The following PLEKHM3 variants were observed in gnomAD, a reference collection of about 807,000 sequenced individuals.
PLEKHM3 encodes the protein pleckstrin homology domain containing M3.
Under a neutral mutation model 81.8 loss-of-function variants are expected in PLEKHM3, and 45 were observed. That is an observed-to-expected ratio of 0.55 (90% CI 0.43 to 0.71). The LOEUF is 0.71. Ranked by LOEUF, PLEKHM3 falls within the 30% of genes least tolerant of loss-of-function variation. The pLI is 0.00. For synonymous variants in PLEKHM3, 352 were observed against 356.4 expected, an observed-to-expected ratio of 0.99 and a Z score of 0.14; for missense variants, 788 against 924.3, an observed-to-expected ratio of 0.85 and a Z score of 1.91.
intron 6 of PLEKHM3, among the ~76,000 whole-genome samples, chr2:207,882,726 A>G (rs1232449548): frequency 6.6e-6 from 1 of 152,208 alleles, no homozygotes; most frequent in African/African-American, 2.4e-5. Context: ...TTCAGACTAA[A>G]AGGCAGACTA....
intron 7 of PLEKHM3, among the ~76,000 whole-genome samples, chr2:207,860,203 G>GTGTGTGTGTA (rs2092460154): frequency 6.9e-6 from 1 of 144,196 alleles, no homozygotes; most frequent in Non-Finnish European, 1.5e-5. Flanking sequence ...GTGTGTGTGT[G>GTGTGTGTGTA]TGTATCTGCA....
rs149715413 is a variant in PLEKHM3 at position 207,830,695 on chromosome 2, TAAGTGTCCTTAGAAGTGTCCTTAG to T, written c.2109-2223_2109-2200del. On this transcript the variant is annotated intron_variant, in intron 7 of 7. Coordinates refer to ENST00000427836, the MANE Select transcript of PLEKHM3 (RefSeq NM_001080475.3). ...GTCCTTAGAAGAAGGACACTTCTTC[TAAGTGTCCTTAGAAGTGTCCTTAG>T]AAGTGTCCTAAGTTGGGGAGCTTGC... Among the ~76,000 whole-genome samples, 115 of 20,184 alleles carry T rather than the reference TAAGTGTCCTTAGAAGTGTCCTTAG, an allele frequency of 5.7e-3. 1 individual carries two copies. The highest frequency in any genetic ancestry group is 0.036 in the Middle Eastern group (1 of 28). The allele number at this position is 20,184 out of a possible 152,430, so 13.2% of individuals were successfully genotyped here.
At chr2:208,023,205 G>A (rs35735821) in intron 1 of PLEKHM3, among the ~76,000 whole-genome samples, 69,296 of 150,830 alleles carry the variant, frequency 0.46, 19,188 homozygotes, top group Non-Finnish European at 0.6. Context: ...TGTGCGTGGC[G>A]TAATCATACC....
chr2:207,836,733 T>A (rs2092321428), intron 7 of PLEKHM3, among the ~76,000 whole-genome samples: 1 of 152,226 alleles, frequency 6.6e-6, no homozygotes, highest in South Asian at 2.1e-4. Context: ...TGCCCCGAGT[T>A]GAGGTCACTG....
intron 1 of PLEKHM3, among the ~76,000 whole-genome samples, chr2:208,023,698 T>A (rs1416705319): frequency 2.0e-5 from 3 of 151,882 alleles, no homozygotes; most frequent in Non-Finnish European, 4.4e-5. Context: ...ATCACCCCCC[T>A]ACTCCCCGAC....
rs752016456 is a variant in PLEKHM3, at chr2:207,946,503, C to T, written c.1556G>A (p.Arg519Gln). The change falls in exon 4 of 8, where the codon CGA becomes CAA. Residue 519 changes from arginine to glutamine, a missense_variant. Coordinates refer to ENST00000427836, the MANE Select transcript of PLEKHM3 (RefSeq NM_001080475.3). ...AQSFKCAGCQ[R>Q]SIGLSNGKAK... is the part of the protein sequence containing the mutation. ...TTTCCCATTGGAAAGACCTATGGAT[C>T]GCTGGCAGCCTGTTCAAGGAAAAAG... 27 of 1,613,634 alleles carry T rather than the reference C, an allele frequency of 1.7e-5. No individual in the cohort carries two copies. The highest frequency in any genetic ancestry group is 2.2e-5 in the East Asian group (1 of 44,880).
chr2:207,977,913 C>A (rs920840289), intron 2 of PLEKHM3, among the ~76,000 whole-genome samples: 3 of 152,008 alleles, frequency 2.0e-5, no homozygotes, highest in Admixed American at 2.0e-4. Context: ...ATAGTGAGAG[C>A]CCGTCTCTAT....
intron 3 of PLEKHM3, among the ~76,000 whole-genome samples, chr2:207,967,368 G>A (rs1372207891): frequency 6.6e-6 from 1 of 152,090 alleles, no homozygotes; most frequent in Non-Finnish European, 1.5e-5. Context: ...TGCCCACATG[G>A]GCTGCTGTTA....
At chr2:207,861,067 C>A (rs368312352) in intron 7 of PLEKHM3, 38 bp downstream of exon 7, 1 of 1,604,324 alleles carries the variant, frequency 6.2e-7, no homozygotes, top group Non-Finnish European at 8.5e-7. Context: ...GCATATTACA[C>A]ATTTGGGTGT....
chr2:207,937,444 C>T (rs112863601), intron 4 of PLEKHM3, among the ~76,000 whole-genome samples: 36,859 of 151,798 alleles, frequency 0.24, 5,250 homozygotes, highest in Middle Eastern at 0.34. Flanking sequence ...GTGGCGTGCG[C>T]CTGTAGTCCC....
chr2:207,956,096 T>C (rs1690497788), intron 3 of PLEKHM3, among the ~76,000 whole-genome samples: 1 of 152,190 alleles, frequency 6.6e-6, no homozygotes, highest in Non-Finnish European at 1.5e-5. Flanking sequence ...CTGGATATTC[T>C]AGTTGTCTGA....
intron 6 of PLEKHM3, among the ~76,000 whole-genome samples, chr2:207,882,566 C>G (rs1322541466): frequency 1.5e-5 from 2 of 137,154 alleles, no homozygotes; most frequent in African/African-American, 5.5e-5. Context: ...GAGCCCAGAT[C>G]GCGTCATTGC....
chr2:207,992,244 C>T (rs997318952), intron 2 of PLEKHM3, among the ~76,000 whole-genome samples: 1 of 152,178 alleles, frequency 6.6e-6, no homozygotes, highest in African/African-American at 2.4e-5. Context: ...CCTAGCCCTG[C>T]CACATACTAG....
chr2:207,870,174 C>T (rs969131544), intron 6 of PLEKHM3, among the ~76,000 whole-genome samples: 2 of 152,180 alleles, frequency 1.3e-5, no homozygotes, highest in East Asian at 3.8e-4. Context: ...TGGTTACCTT[C>T]ACTCCCTCAG....
At chr2:207,857,537 C>A (rs191494845) in intron 7 of PLEKHM3, among the ~76,000 whole-genome samples, 6 of 152,164 alleles carry the variant, frequency 3.9e-5, no homozygotes, top group Admixed American at 3.3e-4. Flanking sequence ...AATTCAATTT[C>A]TTTACTTGTT....
At chr2:207,921,690 C>T (rs1486344265) in intron 5 of PLEKHM3, among the ~76,000 whole-genome samples, 1 of 152,192 alleles carries the variant, frequency 6.6e-6, no homozygotes, top group Non-Finnish European at 1.5e-5. Context: ...CCTCTAGTGA[C>T]CATTGTTCTA....
chr2:207,911,619 A>T (rs1361439000), intron 5 of PLEKHM3, among the ~76,000 whole-genome samples: 1 of 152,232 alleles, frequency 6.6e-6, no homozygotes, highest in African/African-American at 2.4e-5. Flanking sequence ...ATAATATGAG[A>T]GACAGAGGAT....
At chr2:207,971,769 C>A (rs1328222972) in intron 3 of PLEKHM3, among the ~76,000 whole-genome samples, 1 of 152,208 alleles carries the variant, frequency 6.6e-6, no homozygotes, top group African/African-American at 2.4e-5. Context: ...ACCGAAGAAG[C>A]ATGCCTCATT....
At chr2:207,868,298 T>C (rs2092513439) in intron 6 of PLEKHM3, among the ~76,000 whole-genome samples, 1 of 151,690 alleles carries the variant, frequency 6.6e-6, no homozygotes, top group Non-Finnish European at 1.5e-5. Context: ...AATCTAAACA[T>C]GGTAGAGTTT....
Sources: allele counts gnomAD v4.1 joint callset (sites outside exome capture counted in the v4.1 genomes callset), GRCh38; gene constraint gnomAD v4.1.1; transcripts MANE v1.5; gene names NCBI Gene and HGNC (gene_info 2026-07-23, HGNC 2026-07-21).